EYS: variants seen among roughly 807,000 people sequenced by gnomAD.
The protein encoded by EYS is EGF-like photoreceptor maintenance factor.
In EYS, 250 loss-of-function variants were observed where a neutral mutation model predicts 282.1. The ratio of observed to expected loss-of-function variants is 0.89; its 90% CI spans 0.80 to 0.98. The LOEUF (loss-of-function observed/expected upper bound fraction) is 0.98, where lower values mean the gene tolerates loss of function less well. EYS is among the 50% of genes least tolerant of loss of function. The probability of loss-of-function intolerance (pLI) is 0.00; values close to 1 mark genes in which losing one functional copy is unlikely to be tolerated. For synonymous variants in EYS, 1,355 were observed against 1,282.9 expected, an observed-to-expected ratio of 1.06 and a Z score of -1.20; for missense variants, 4,016 against 3,709.0, an observed-to-expected ratio of 1.08 and a Z score of -2.15.
intron 33 of EYS, among the ~76,000 whole-genome samples, chr6:64,046,187 A>G (rs137872116): frequency 1.9e-3 from 279 of 144,682 alleles, no homozygotes; most frequent in African/African-American, 6.6e-3. Flanking sequence ...GAGATTTTTA[A>G]TATAGTTGAG....
chr6:64,912,283 G>A (rs1458007440), intron 16 of EYS, among the ~76,000 whole-genome samples: 1 of 151,908 alleles, frequency 6.6e-6, no homozygotes, highest in African/African-American at 2.4e-5. Context: ...TCTTCCCAAT[G>A]GTTAATTCTT....
At chr6:65,226,344 C>T (rs1766626033) in intron 12 of EYS, among the ~76,000 whole-genome samples, 1 of 151,914 alleles carries the variant, frequency 6.6e-6, no homozygotes. Flanking sequence ...GGCTCTTACA[C>T]TCTAAACTGC....
chr6:65,313,313 T>C (rs1769210541), intron 11 of EYS, among the ~76,000 whole-genome samples: 1 of 151,590 alleles, frequency 6.6e-6, no homozygotes, highest in African/African-American at 2.4e-5. Flanking sequence ...ATCTGGGAAA[T>C]AATAGGAGGG....
chr6:64,685,442 A>G (rs1770058768), intron 22 of EYS, among the ~76,000 whole-genome samples: 1 of 152,150 alleles, frequency 6.6e-6, no homozygotes, highest in Non-Finnish European at 1.5e-5. Context: ...TGTTTGGGTC[A>G]TGGGGGTAGA....
intron 22 of EYS, among the ~76,000 whole-genome samples, chr6:64,664,675 A>G (rs972363182): frequency 6.6e-6 from 1 of 152,166 alleles, no homozygotes; most frequent in East Asian, 1.9e-4. Context: ...TCTAATGAAT[A>G]GGAGTATTAT....
At chr6:64,985,567 A>T (rs934017754) in intron 14 of EYS, among the ~76,000 whole-genome samples, 38 of 151,536 alleles carry the variant, frequency 2.5e-4, no homozygotes, top group Non-Finnish European at 5.2e-4. Flanking sequence ...AAATAAATTT[A>T]AAAAACCTTT....
At chr6:64,417,117 ATAAT>A (rs1774080488) in intron 28 of EYS, among the ~76,000 whole-genome samples, 1 of 152,208 alleles carries the variant, frequency 6.6e-6, no homozygotes, top group Non-Finnish European at 1.5e-5. Flanking sequence ...CAGTGGTATG[ATAAT>A]TAGAGCTTTT....
At chr6:65,641,961 C>T (rs1228321834) in intron 1 of EYS, among the ~76,000 whole-genome samples, 2 of 151,970 alleles carry the variant, frequency 1.3e-5, no homozygotes, top group African/African-American at 2.4e-5. Flanking sequence ...CAACTGAGCT[C>T]GAACCAAAGC....
chr6:63,738,038 T>C (rs1259163054), intron 41 of EYS, among the ~76,000 whole-genome samples: 2 of 152,134 alleles, frequency 1.3e-5, no homozygotes, highest in African/African-American at 4.8e-5. Flanking sequence ...CACAATGAGA[T>C]ATCATCTCAC....
At chr6:65,392,065 T>C (rs975496567) in intron 7 of EYS, among the ~76,000 whole-genome samples, 1 of 152,060 alleles carries the variant, frequency 6.6e-6, no homozygotes, top group African/African-American at 2.4e-5. Context: ...AAACAAGCAA[T>C]GGGGAAAGGA....
rs535836825 is a variant in EYS, at chr6:64,146,611, T to C, written c.6425-64609A>G. ...AATGCAGGCTTGGGTCCACCAGTAC[T>C]TTGAAAAGTGTAGGACATGCTTCTC... On this transcript the variant is annotated intron_variant, in intron 31 of 42. Coordinates refer to ENST00000503581, the MANE Select transcript of EYS (RefSeq NM_001142800.2). Among the ~76,000 whole-genome samples the C allele has an allele frequency of 4.6e-5, 7 of 152,246 alleles. No individual in the cohort carries two copies. In the South Asian group the frequency reaches 6.2e-4, roughly 14 times the overall value.
chr6:65,511,152 G>A lies in EYS; in HGVS notation c.-332-15159C>T, dbSNP rs564465776. Among the ~76,000 whole-genome samples the A allele has an allele frequency of 5.3e-5, 8 of 152,152 alleles. No individual in the cohort carries two copies. The East Asian group carries it at 1.5e-3, about 29-fold the overall frequency. On this transcript the variant is annotated intron_variant, in intron 2 of 42. Coordinates refer to ENST00000503581, the MANE Select transcript of EYS (RefSeq NM_001142800.2). The stretch of plus-strand genomic sequence containing the variant: ...AGACTATTTTATTTTCTTGCAATAA[G>A]AATACATTATACATGACATTACTTA...
chr6:65,594,118 C>G (rs916449860), intron 2 of EYS, among the ~76,000 whole-genome samples: 1 of 151,896 alleles, frequency 6.6e-6, no homozygotes, highest in Admixed American at 6.6e-5. Context: ...TTATTGCTTA[C>G]TTTACTATTA....
intron 2 of EYS, among the ~76,000 whole-genome samples, chr6:65,520,877 T>G (rs1047974563): frequency 6.6e-6 from 1 of 152,054 alleles, no homozygotes; most frequent in Non-Finnish European, 1.5e-5. Context: ...TAGTCCAATT[T>G]TAGTGCTTGA....
At chr6:65,234,797 C>A (rs189786976) in intron 12 of EYS, among the ~76,000 whole-genome samples, 1 of 152,040 alleles carries the variant, frequency 6.6e-6, no homozygotes, top group East Asian at 1.9e-4. Flanking sequence ...TATGTTGATG[C>A]CAAAGAGAAA....
At chr6:64,445,537 A>AAATAGGTTAAT (rs1775092690) in intron 26 of EYS, among the ~76,000 whole-genome samples, 1 of 152,154 alleles carries the variant, frequency 6.6e-6, no homozygotes, top group Admixed American at 6.5e-5. Flanking sequence ...TAAAGAAATG[A>AAATAGGTTAAT]AATAGGTTAA....
chr6:65,468,698 AC>A (rs35691138), intron 5 of EYS, among the ~76,000 whole-genome samples: 28,311 of 151,980 alleles, frequency 0.19, 3,258 homozygotes, highest in Middle Eastern at 0.3. Flanking sequence ...ACCTTGATAT[AC>A]CTATGATTGC....
intron 27 of EYS, 76 bp from the exon 28 acceptor site, chr6:64,436,341 ATT>A: frequency 1.4e-6 from 1 of 725,708 alleles, no homozygotes; most frequent in Non-Finnish European, 2.4e-6. Context: ...ACTGGACTTT[ATT>A]ATTTATCAAT....
intron 5 of EYS, among the ~76,000 whole-genome samples, chr6:65,482,530 T>C (rs1313484848): frequency 2.6e-5 from 4 of 152,254 alleles, no homozygotes; most frequent in Admixed American, 2.0e-4. Flanking sequence ...AAGTTATATC[T>C]GATTTAGCTC....
Sources: allele counts gnomAD v4.1 joint callset (sites outside exome capture counted in the v4.1 genomes callset), GRCh38; gene constraint gnomAD v4.1.1; transcripts MANE v1.5; gene names NCBI Gene and HGNC (gene_info 2026-07-23, HGNC 2026-07-21).